Variants in AASS observed in about 807,000 individuals in gnomAD.
The protein encoded by AASS is aminoadipate-semialdehyde synthase, also known as alpha-aminoadipic semialdehyde synthase, mitochondrial.
In AASS, 86 loss-of-function variants were observed where a neutral mutation model predicts 105.4. The observed-to-expected ratio is 0.82, with a 90% confidence interval of 0.69 to 0.98. The LOEUF (loss-of-function observed/expected upper bound fraction) is 0.98. Ranked by LOEUF, AASS falls within the 50% of genes least tolerant of loss-of-function variation. The pLI is 0.00. For synonymous variants in AASS, 381 were observed against 394.8 expected (o/e 0.96, Z 0.41); for missense variants, 1,048 against 1,143.2 (o/e 0.92, Z 1.20).
chr7:122,093,561 G>C (rs1287660891), intron 15 of AASS, among the ~76,000 whole-genome samples: 2 of 152,162 alleles, frequency 1.3e-5, no homozygotes, highest in African/African-American at 4.8e-5. Context: ...TGTAATCCCA[G>C]AACTTTGGGA....
chr7:122,111,294 G>A (rs919144684), intron 11 of AASS, among the ~76,000 whole-genome samples: 3 of 152,036 alleles, frequency 2.0e-5, no homozygotes, highest in African/African-American at 4.8e-5. Context: ...AGAACCCAAT[G>A]GAAATTCTAG....
chr7:122,141,113 G>T (rs279689), intron 1 of AASS, among the ~76,000 whole-genome samples: 1 of 152,074 alleles, frequency 6.6e-6, no homozygotes, highest in African/African-American at 2.4e-5. Flanking sequence ...AACTAGGCTT[G>T]GGCTTGCATT....
Position 122,092,843 on chromosome 7 carries a change from C to T in AASS, c.1875G>A (p.Thr625=), listed in dbSNP as rs201088331. The T allele has an allele frequency of 8.7e-6, 14 of 1,613,244 alleles. No homozygotes were observed. The highest frequency in any genetic ancestry group is 3.3e-5 in the Admixed American group (2 of 59,954). The change falls in exon 17 of 24, where the codon ACG becomes ACA. Residue 625 remains threonine (T), a splice_region_variant and synonymous_variant. Transcript: ENST00000417368. ...TIDKAKEVGA[T]IESYISYCGG... Reference sequence around the variant, plus strand: ...GCCTTTGGGTACAAATTGGGCTCACCGTGGCTCCCACTTCCTTGGCTTTAT... The same window carrying T: ...GCCTTTGGGTACAAATTGGGCTCACTGTGGCTCCCACTTCCTTGGCTTTAT...
At chr7:122,126,110 G>T (rs770326107) in intron 4 of AASS, among the ~76,000 whole-genome samples, 6 of 151,870 alleles carry the variant, frequency 4.0e-5, no homozygotes, top group Non-Finnish European at 7.4e-5. Context: ...CCAGCCTTTC[G>T]AAAGGAACTA....
chr7:122,119,203 T>A (rs1795327813), intron 4 of AASS, among the ~76,000 whole-genome samples: 1 of 152,162 alleles, frequency 6.6e-6, no homozygotes, highest in African/African-American at 2.4e-5. Context: ...CAACTTGAAA[T>A]TTTTAATCCT....
At chr7:122,138,505 T>A (rs1796253422) in intron 1 of AASS, among the ~76,000 whole-genome samples, 1 of 152,202 alleles carries the variant, frequency 6.6e-6, no homozygotes, top group Non-Finnish European at 1.5e-5. Flanking sequence ...TCACAATATC[T>A]TAGTGTACTT....
intron 15 of AASS, among the ~76,000 whole-genome samples, chr7:122,096,096 C>T (rs1464179687): frequency 6.6e-6 from 1 of 151,892 alleles, no homozygotes; most frequent in Non-Finnish European, 1.5e-5. Flanking sequence ...TGACTCCAAC[C>T]CAATTACTCC....
At chr7:122,102,070 A>G (rs1382119911) in intron 11 of AASS, among the ~76,000 whole-genome samples, 1 of 151,824 alleles carries the variant, frequency 6.6e-6, no homozygotes. Flanking sequence ...AAGCTGTTCT[A>G]TTAGGAATAG....
chr7:122,128,755 G>A (rs1172354190), intron 3 of AASS, among the ~76,000 whole-genome samples: 3 of 152,106 alleles, frequency 2.0e-5, no homozygotes, highest in Admixed American at 2.0e-4. Context: ...TCTCAAAAAT[G>A]CATTTTCCCT....
intron 19 of AASS, among the ~76,000 whole-genome samples, chr7:122,083,064 G>A (rs201851916): frequency 8.1e-6 from 1 of 122,736 alleles, no homozygotes; most frequent in Non-Finnish European, 1.7e-5. Flanking sequence ...GAAGAAAAGA[G>A]AGAGAGGGAA....
At chr7:122,093,288 T>G in intron 15 of AASS, 130 bp from the exon 16 acceptor site, 1 of 742,874 alleles carries the variant, frequency 1.3e-6, no homozygotes, top group Non-Finnish European at 2.4e-6. Context: ...AAGGGAACAC[T>G]TATACACTGT....
At chr7:122,077,005 T>G (rs558967009) in intron 23 of AASS, among the ~76,000 whole-genome samples, 1 of 152,188 alleles carries the variant, frequency 6.6e-6, no homozygotes, top group Non-Finnish European at 1.5e-5. Flanking sequence ...TTTGATTATA[T>G]GGGCACAGGC....
At chr7:122,127,459 GT>G (rs1050676797) in intron 3 of AASS, among the ~76,000 whole-genome samples, 1 of 151,582 alleles carries the variant, frequency 6.6e-6, no homozygotes, top group Non-Finnish European at 1.5e-5. Flanking sequence ...TGTTAGGTCA[GT>G]TTTTTTTAAT....
At chr7:122,135,411 A>G (rs1317987680) in intron 1 of AASS, among the ~76,000 whole-genome samples, 1 of 152,144 alleles carries the variant, frequency 6.6e-6, no homozygotes, top group Admixed American at 6.5e-5. Flanking sequence ...TGCTCTAAAC[A>G]TGCCAGTTCC....
At chr7:122,083,877 G>A (rs774572108) in intron 19 of AASS, among the ~76,000 whole-genome samples, 3 of 152,056 alleles carry the variant, frequency 2.0e-5, no homozygotes, top group Non-Finnish European at 4.4e-5. Context: ...AGAATTTTAG[G>A]GTTACCAATG....
chr7:122,085,112 AACACAGTGAG>A, intron 19 of AASS, among the ~76,000 whole-genome samples: 1 of 152,318 alleles, frequency 6.6e-6, no homozygotes, highest in East Asian at 1.9e-4. Context: ...AAGAGGATGC[AACACAGTGAG>A]ACACACAGAA....
At chr7:122,087,760 T>C (rs576089324) in intron 18 of AASS, among the ~76,000 whole-genome samples, 1 of 152,270 alleles carries the variant, frequency 6.6e-6, no homozygotes, top group South Asian at 2.1e-4. Context: ...CTATAACCCA[T>C]GACAATTCTT....
Position 122,086,093 on chromosome 7 carries a change from A to T in AASS, c.2103T>A (p.Pro701=). 4 of 1,613,652 alleles carry T rather than the reference A, an allele frequency of 2.5e-6. No individual in the cohort carries two copies. Among genetic ancestry groups the T allele is most frequent in the Non-Finnish European group, 3.4e-6 (4 of 1,179,784 alleles). ...FFPGLNLEGY[P]NRDSTKYAEI... is the part of the protein sequence containing the mutation. ...CAGCATATTTCGTACTGTCTCTGTT[A>T]GGATAGCCTTCCAAATTTAATCCTG... Residue 701 remains proline (P), a synonymous_variant, in exon 19 of 24, where the codon CCT becomes CCA. Coordinates refer to ENST00000417368, the MANE Select transcript of AASS (RefSeq NM_005763.4).
At chr7:122,082,844 T>C in intron 19 of AASS, 1 of 1,289,472 alleles carries the variant, frequency 7.8e-7, no homozygotes, top group East Asian at 5.6e-5. Flanking sequence ...CATAGGAAGG[T>C]ATTCAACATT....
Sources: allele counts gnomAD v4.1 joint callset (sites outside exome capture counted in the v4.1 genomes callset), GRCh38; gene constraint gnomAD v4.1.1; transcripts MANE v1.5; gene names NCBI Gene and HGNC (gene_info 2026-07-23, HGNC 2026-07-21).